Variants in ENTPD7 observed in about 807,000 individuals in gnomAD.
ENTPD7 encodes NTPDase 7.
Under a neutral mutation model 77.9 loss-of-function variants are expected in ENTPD7, and 53 were observed. The ratio of observed to expected loss-of-function variants is 0.68; its 90% CI spans 0.55 to 0.85. ENTPD7 has a LOEUF of 0.85. Ranked by LOEUF, ENTPD7 falls within the 40% of genes least tolerant of loss-of-function variation. The probability of loss-of-function intolerance (pLI) is 0.00; values close to 1 mark genes in which losing one functional copy is unlikely to be tolerated. For missense variants in ENTPD7, 636 were observed against 743.7 expected, an observed-to-expected ratio of 0.86 and a Z score of 1.68; for synonymous variants, 248 against 274.9, an observed-to-expected ratio of 0.90 and a Z score of 0.97.
intron 10 of ENTPD7, among the ~76,000 whole-genome samples, chr10:99,700,416 G>A (rs1590061280): frequency 6.9e-6 from 1 of 144,924 alleles, no homozygotes; most frequent in South Asian, 2.2e-4. Context: ...GTGTGTGTAT[G>A]TGTGTGTGTG....
chr10:99,695,471 G>A lies in ENTPD7; in HGVS notation c.844-485G>A, dbSNP rs995659028. 5.3e-5 allele frequency among the ~76,000 whole-genome samples: 8 copies of A among 151,530 alleles called. No individual in the cohort carries two copies. In the East Asian group the frequency reaches 5.8e-4, roughly 11 times the overall value. ...CGGGAGGCGGAGGTTGCAGTGAGCC[G>A]AGAGCATGCCACTGCACTCCAGCCT... is the stretch of plus-strand genomic sequence containing the variant. On this transcript the variant is annotated intron_variant, in intron 8 of 12. Transcript: ENST00000370489.
At chr10:99,693,068 G>A (rs1390966214) in intron 8 of ENTPD7, among the ~76,000 whole-genome samples, 5 of 152,158 alleles carry the variant, frequency 3.3e-5, no homozygotes, top group South Asian at 4.1e-4. Context: ...GTAATTGAGC[G>A]ATTGATTGTG....
At chr10:99,680,952 T>C (rs537218402) in intron 5 of ENTPD7, among the ~76,000 whole-genome samples, 24 of 152,346 alleles carry the variant, frequency 1.6e-4, no homozygotes, top group African/African-American at 5.1e-4. Flanking sequence ...TCAGTGCTTA[T>C]TCATCTTGCT....
At chr10:99,685,121 G>A (rs191695747) in intron 5 of ENTPD7, among the ~76,000 whole-genome samples, 4 of 152,256 alleles carry the variant, frequency 2.6e-5, no homozygotes, top group African/African-American at 9.6e-5. Context: ...GCCGGGTGTG[G>A]TGATCCATGC....
In ENTPD7 at chr10:99,665,689, C is replaced by CT. The variant is rs1271200870; in HGVS notation, c.191+4073dup. On this transcript the variant is annotated intron_variant, in intron 3 of 12. Coordinates refer to ENST00000370489, the MANE Select transcript of ENTPD7 (RefSeq NM_020354.5). The stretch of plus-strand genomic sequence containing the variant: ...TCATTTGTATTTTTGGCTTGCTTTT[C>CT]TTTTTTTTTTTTCTTTTTAAACGTT... 4.2e-3 allele frequency among the ~76,000 whole-genome samples: 615 copies of CT among 145,836 alleles called. 4 individuals are homozygous for CT. Among genetic ancestry groups the CT allele is most frequent in the African/African-American group, 0.012 (488 of 39,966 alleles).
chr10:99,675,847 C>T (rs1409347447), intron 3 of ENTPD7, among the ~76,000 whole-genome samples: 3 of 152,190 alleles, frequency 2.0e-5, no homozygotes, highest in South Asian at 2.1e-4. Context: ...CCACCCACCT[C>T]GGCCTCCCAA....
chr10:99,680,358 C>T (rs1182979924), intron 5 of ENTPD7, among the ~76,000 whole-genome samples: 1 of 152,108 alleles, frequency 6.6e-6, no homozygotes, highest in African/African-American at 2.4e-5. Flanking sequence ...TTGACCTTTG[C>T]AATTCAGCCT....
At chr10:99,662,998 C>T (rs1590035274) in intron 3 of ENTPD7, among the ~76,000 whole-genome samples, 1 of 152,338 alleles carries the variant, frequency 6.6e-6, no homozygotes, top group South Asian at 2.1e-4. Flanking sequence ...GTCAATGTGG[C>T]AGATTAACAT....
Position 99,679,327 on chromosome 10 carries a change from T to A in ENTPD7, c.258T>A (p.Leu86=). ...DTEDPNLNYG[L]VVDCGSSGSR... ...AAGACCCAAATCTGAATTATGGACT[T>A]GTTGTTGACTGTGGCAGCAGTGGTT... The change falls in exon 4 of 13, where the codon CTT becomes CTA. Residue 86 remains leucine, a synonymous_variant. Transcript: ENST00000370489. The A allele has an allele frequency of 6.2e-7, 1 of 1,614,172 alleles. No individual in the cohort carries two copies. Among genetic ancestry groups the A allele is most frequent in the Non-Finnish European group, 8.5e-7 (1 of 1,180,012 alleles).
chr10:99,698,100 A>G (rs553346536), intron 9 of ENTPD7, among the ~76,000 whole-genome samples: 1 of 152,196 alleles, frequency 6.6e-6, no homozygotes, highest in African/African-American at 2.4e-5. Flanking sequence ...GCCATTGCAC[A>G]TGGGCCACTG....
At chr10:99,674,339 A>G (rs1165237819) in intron 3 of ENTPD7, among the ~76,000 whole-genome samples, 1 of 152,226 alleles carries the variant, frequency 6.6e-6, no homozygotes, top group Non-Finnish European at 1.5e-5. Flanking sequence ...TCAAACATAT[A>G]CAATTTACCA....
At chr10:99,679,990 ACAAT>A (rs2035733443) in intron 5 of ENTPD7, 115 bp downstream of exon 5, 2 of 1,229,502 alleles carry the variant, frequency 1.6e-6, no homozygotes, top group Non-Finnish European at 2.2e-6. Flanking sequence ...CAATTATGAC[ACAAT>A]CATTCATTCC....
chr10:99,696,514 T>TC (rs2035982001), intron 9 of ENTPD7, among the ~76,000 whole-genome samples: 1 of 152,342 alleles, frequency 6.6e-6, no homozygotes, highest in Admixed American at 6.5e-5. Flanking sequence ...AGTTGCATCT[T>TC]TTGTGAGAGT....
rs2035886433 is a variant in ENTPD7 at position 99,691,713 on chromosome 10, C to T, written c.843+195C>T. ...TGTGAAAAAGGAATAATAATAGTAT[C>T]TACCTCATAAAGTTATGAGGATGAA... On this transcript the variant is annotated intron_variant, in intron 8 of 12. Coordinates refer to ENST00000370489, the MANE Select transcript of ENTPD7 (RefSeq NM_020354.5). Among the ~76,000 whole-genome samples, 3 of 152,082 alleles carry T rather than the reference C, an allele frequency of 2.0e-5. No homozygotes were observed. In the South Asian group the frequency reaches 6.2e-4, roughly 31 times the overall value.
intron 6 of ENTPD7, among the ~76,000 whole-genome samples, chr10:99,687,502 T>G (rs1194125450): frequency 6.6e-6 from 1 of 151,972 alleles, no homozygotes; most frequent in African/African-American, 2.4e-5. Flanking sequence ...CCTGACCTCG[T>G]GATCCACCCA....
chr10:99,709,838 T>C lies in ENTPD7; in HGVS notation c.*5155T>C, dbSNP rs1342405753. The C allele has an allele frequency of 2.0e-6, 2 of 985,244 alleles. No individual in the cohort carries two copies. The highest frequency in any genetic ancestry group is 1.7e-5 in the African/African-American group (1 of 57,240). The allele number at this position is 985,244 out of a possible 1,614,324, so 61.0% of individuals were successfully genotyped here. A position where few individuals can be genotyped will look rare whatever the true frequency, so the allele number is the denominator to read the frequency against. On this transcript the variant is annotated 3_prime_UTR_variant, in exon 13 of 13. Coordinates refer to ENST00000370489, the MANE Select transcript of ENTPD7 (RefSeq NM_020354.5). ...ATTTTCCAGTTTGTCAGTACCGTTATCAGAGGGACGAGGAAGGAATAACAC... is the reference window on the plus strand; with the variant it reads ...ATTTTCCAGTTTGTCAGTACCGTTACCAGAGGGACGAGGAAGGAATAACAC...
intron 6 of ENTPD7, among the ~76,000 whole-genome samples, chr10:99,687,677 A>G (rs1015566745): frequency 1.3e-5 from 2 of 152,048 alleles, no homozygotes; most frequent in African/African-American, 4.8e-5. Flanking sequence ...CAGCTCTCAG[A>G]GCTGTTTGGA....
chr10:99,673,132 A>G (rs2035636528), intron 3 of ENTPD7, among the ~76,000 whole-genome samples: 1 of 152,110 alleles, frequency 6.6e-6, no homozygotes, highest in Non-Finnish European at 1.5e-5. Flanking sequence ...TGGGGTGAGT[A>G]TGTGTGACAG....
chr10:99,709,419 A>T lies in ENTPD7; in HGVS notation c.*4736A>T. On this transcript the variant is annotated 3_prime_UTR_variant, in exon 13 of 13. Coordinates refer to ENST00000370489, the MANE Select transcript of ENTPD7 (RefSeq NM_020354.5). ...AGTCTCTTAGGGACGCTAGCTCCAG[A>T]TTCCAGCCCCTGGGGCAATAACTTG... The T allele has an allele frequency of 2.0e-6, 2 of 985,466 alleles. No individual in the cohort carries two copies. Among genetic ancestry groups the T allele is most frequent in the Non-Finnish European group, 1.2e-6 (1 of 829,942 alleles). The allele number at this position is 985,466 out of a possible 1,614,324, so 61.0% of individuals were successfully genotyped here.
Sources: allele counts gnomAD v4.1 joint callset (sites outside exome capture counted in the v4.1 genomes callset), GRCh38; gene constraint gnomAD v4.1.1; transcripts MANE v1.5; gene names NCBI Gene and HGNC (gene_info 2026-07-23, HGNC 2026-07-21).